TTC28: variants seen among roughly 807,000 people sequenced by gnomAD.
TTC28 encodes tetratricopeptide repeat protein 28.
In TTC28, 61 loss-of-function variants were observed where a neutral mutation model predicts 198.0. The ratio of observed to expected loss-of-function variants is 0.31; its 90% CI spans 0.25 to 0.38. The LOEUF (loss-of-function observed/expected upper bound fraction) is 0.38, where lower values mean the gene tolerates loss of function less well. TTC28 is among the 10% of genes least tolerant of loss of function. TTC28 has a pLI of 1.00. For missense variants in TTC28, 2,678 were observed against 3,164.0 expected, an observed-to-expected ratio of 0.85 and a Z score of 3.69; for synonymous variants, 1,171 against 1,297.8, an observed-to-expected ratio of 0.90 and a Z score of 2.10.
rs560365140 is a variant in TTC28, at chr22:28,585,409, C to T, written c.381+44143G>A. ...AGCACCAACCTGGATTCCGTGCATG[C>T]GCAGTTCACGATAGGGTTAAGGCTC... On this transcript the variant is annotated intron_variant, in intron 2 of 22. Coordinates refer to ENST00000397906, the MANE Select transcript of TTC28 (RefSeq NM_001145418.2). Among the ~76,000 whole-genome samples the T allele has an allele frequency of 7.8e-3, 1,194 of 152,254 alleles. 5 individuals are homozygous for T. The highest frequency in any genetic ancestry group is 0.012 in the South Asian group (56 of 4,822).
chr22:28,672,508 G>A (rs2051905674), intron 1 of TTC28, among the ~76,000 whole-genome samples: 1 of 151,896 alleles, frequency 6.6e-6, no homozygotes, highest in African/African-American at 2.4e-5. Context: ...CACCCTGTTG[G>A]TCAGGCTGGT....
chr22:28,071,133 G>A (rs1287295514), intron 12 of TTC28, among the ~76,000 whole-genome samples: 1 of 152,114 alleles, frequency 6.6e-6, no homozygotes, highest in East Asian at 1.9e-4. Flanking sequence ...GAATCATCTA[G>A]TAAGGCCACC....
At chr22:28,529,261 C>T (rs1292117233) in intron 2 of TTC28, among the ~76,000 whole-genome samples, 1 of 151,640 alleles carries the variant, frequency 6.6e-6, no homozygotes, top group Non-Finnish European at 1.5e-5. Flanking sequence ...CAGATTATAT[C>T]CCATGCATGA....
At chr22:28,447,367 C>G (rs2047719322) in intron 2 of TTC28, among the ~76,000 whole-genome samples, 1 of 152,146 alleles carries the variant, frequency 6.6e-6, no homozygotes, top group African/African-American at 2.4e-5. Context: ...ATATCAGATC[C>G]TCTAAATTTT....
In TTC28 at chr22:28,107,886, T is replaced by A. The variant is rs1231307372; in HGVS notation, c.1959A>T (p.Ala653=). The A allele has an allele frequency of 1.9e-6, 3 of 1,551,804 alleles. No individual in the cohort carries two copies. The highest frequency in any genetic ancestry group is 2.6e-6 in the Non-Finnish European group (3 of 1,147,014). The change falls in exon 7 of 23, where the codon GCA becomes GCT. Residue 653 remains alanine (A), a synonymous_variant. Coordinates refer to ENST00000397906, the MANE Select transcript of TTC28 (RefSeq NM_001145418.2). ...CCAGATCCTGTTCGTAGTACTTCAC[T>A]GCCTCCTGATAGTTTCCAAGGCAGT... ...AHYCLGNYQE[A]VKYYEQDLAL... is the part of the protein sequence containing the mutation.
At chr22:28,088,891 C>T (rs1941716778) in intron 12 of TTC28, among the ~76,000 whole-genome samples, 1 of 152,226 alleles carries the variant, frequency 6.6e-6, no homozygotes, top group South Asian at 2.1e-4. Flanking sequence ...GACATTTATG[C>T]AGCCAAAACA....
At chr22:28,444,899 A>C (rs1294169330) in intron 2 of TTC28, among the ~76,000 whole-genome samples, 1 of 152,258 alleles carries the variant, frequency 6.6e-6, no homozygotes, top group African/African-American at 2.4e-5. Flanking sequence ...TGCAGGCGGC[A>C]GTCACAAGTA....
chr22:28,335,713 C>G (rs985654264), intron 2 of TTC28, among the ~76,000 whole-genome samples: 2 of 152,046 alleles, frequency 1.3e-5, no homozygotes, highest in East Asian at 1.9e-4. Flanking sequence ...TGCTGAAGTT[C>G]CTTATCAGCT....
intron 12 of TTC28, among the ~76,000 whole-genome samples, chr22:28,051,967 C>G (rs533782141): frequency 3.4e-4 from 52 of 152,142 alleles, no homozygotes; most frequent in African/African-American, 1.2e-3. Context: ...TTGGAGCTTC[C>G]ATGACATCCT....
At chr22:28,098,776 T>C (rs1426160498) in intron 10 of TTC28, 139 bp downstream of exon 10, 1 of 1,077,990 alleles carries the variant, frequency 9.3e-7, no homozygotes, top group Non-Finnish European at 1.3e-6. Flanking sequence ...CATTGACTGG[T>C]TGTAGTTGTG....
intron 2 of TTC28, among the ~76,000 whole-genome samples, chr22:28,474,235 T>G (rs1200760931): frequency 2.0e-5 from 3 of 152,192 alleles, no homozygotes. Flanking sequence ...GGTAACTGAC[T>G]TAGCAGAACC....
intron 5 of TTC28, among the ~76,000 whole-genome samples, chr22:28,178,109 G>A (rs993799397): frequency 1.4e-4 from 22 of 152,078 alleles, no homozygotes; most frequent in African/African-American, 5.1e-4. Flanking sequence ...AAGGGTATGT[G>A]GAAACTCTAT....
intron 14 of TTC28, among the ~76,000 whole-genome samples, chr22:28,004,125 G>A (rs76544173): frequency 0.021 from 3,215 of 152,348 alleles, 39 homozygotes; most frequent in Non-Finnish European, 0.029. Context: ...CCAGGCTGAC[G>A]CTGGGCCCAC....
chr22:28,361,100 A>G (rs1293183893), intron 2 of TTC28, among the ~76,000 whole-genome samples: 1 of 152,182 alleles, frequency 6.6e-6, no homozygotes, highest in Non-Finnish European at 1.5e-5. Flanking sequence ...AATTAAGCCA[A>G]GTAATAACCC....
chr22:28,151,744 A>T (rs1289574111), intron 6 of TTC28, among the ~76,000 whole-genome samples: 1 of 152,090 alleles, frequency 6.6e-6, no homozygotes, highest in African/African-American at 2.4e-5. Flanking sequence ...CTCCTTTTAC[A>T]TGGGGATAGG....
chr22:28,359,738 A>G (rs2046130396), intron 2 of TTC28, among the ~76,000 whole-genome samples: 1 of 152,188 alleles, frequency 6.6e-6, no homozygotes, highest in Middle Eastern at 3.2e-3. Context: ...GTGTTTATAG[A>G]TCACAATAGG....
At chr22:28,436,759 A>C (rs1249143224) in intron 2 of TTC28, among the ~76,000 whole-genome samples, 1 of 152,232 alleles carries the variant, frequency 6.6e-6, no homozygotes, top group Non-Finnish European at 1.5e-5. Flanking sequence ...AAGTACAGAG[A>C]AGTTAAGTAA....
chr22:28,104,615 G>A (rs147276798), intron 8 of TTC28, among the ~76,000 whole-genome samples: 328 of 152,218 alleles, frequency 2.2e-3, no homozygotes, highest in Middle Eastern at 6.8e-3. Flanking sequence ...TGCTTTCGGA[G>A]GAAGGAAGCA....
rs146746860 is a variant in TTC28, at chr22:28,171,926, T to C, written c.934-8327A>G. Among the ~76,000 whole-genome samples, 83 of 152,222 alleles carry C rather than the reference T, an allele frequency of 5.5e-4. 1 individual carries two copies. Among genetic ancestry groups the C allele is most frequent in the African/African-American group, 1.9e-3 (77 of 41,548 alleles). On this transcript the variant is annotated intron_variant, in intron 5 of 22. Transcript: ENST00000397906. ...GAGGTTAGGACTTCATGTCAGCACA[T>C]TGTACAAGGAACTTTCTACTGCTTC...
Sources: gnomAD v4.1 joint callset for allele counts (sites outside exome capture counted in the v4.1 genomes callset) on GRCh38, gnomAD v4.1.1 for gene constraint, MANE v1.5 for transcripts, NCBI Gene and HGNC (gene_info 2026-07-23, HGNC 2026-07-21) for gene names.